ZAN: variants seen among roughly 807,000 people sequenced by gnomAD.
The protein encoded by ZAN is zonadhesin (gene/pseudogene).
Under a neutral mutation model 286.2 loss-of-function variants are expected in ZAN, and 260 were observed. The observed-to-expected ratio is 0.91, with a 90% CI of 0.82 to 1.01. The LOEUF (loss-of-function observed/expected upper bound fraction) is 1.01. ZAN is among the 50% of genes least tolerant of loss of function. The pLI, the probability that ZAN is intolerant of heterozygous loss-of-function variation, is 0.00. For synonymous variants in ZAN, 1,368 were observed against 1,417.5 expected (o/e 0.97, Z 0.79); for missense variants, 3,410 against 3,639.2 (o/e 0.94, Z 1.62).
chr7:100,771,976 C>A lies in ZAN; in HGVS notation c.5381C>A (p.Ala1794Asp). ...CTGCAGGCCTACGCGTCCCTGTGTG[C>A]CCAGGCTGGCCAGGCCCCTGCCTGG... ...RSLQAYASLC[A>D]QAGQAPAWRN... The change falls in exon 29 of 48, where the codon GCC (alanine) becomes GAC (aspartate). Residue 1794 changes from alanine to aspartate, a missense_variant. Physicochemically the swap from Ala to Asp is moderately radical, Grantham distance 126. Around this residue, in one of 7 missense-constraint regions of ZAN, gnomAD observed 1,289 missense variants for 1,314.3 expected, o/e 0.98. Transcript: ENST00000613979. 6.2e-7 allele frequency: 1 copy of A among 1,608,548 alleles called. No homozygotes were observed. Among genetic ancestry groups the A allele is most frequent in the Non-Finnish European group, 8.5e-7 (1 of 1,179,082 alleles).
intron 11 of ZAN, 112 bp downstream of exon 11, chr7:100,748,582 T>C: frequency 7.1e-7 from 1 of 1,402,882 alleles, no homozygotes; most frequent in Non-Finnish European, 9.5e-7. Context: ...GGAAGATCAG[T>C]CCACAGGTGT....
intron 34 of ZAN, among the ~76,000 whole-genome samples, chr7:100,777,237 G>C (rs920825932): frequency 1.3e-5 from 2 of 152,018 alleles, no homozygotes; most frequent in Non-Finnish European, 2.9e-5. Flanking sequence ...CAGAGACGGG[G>C]TTTCACCATA....
chr7:100,787,027 A>T (rs1811604216), intron 37 of ZAN, among the ~76,000 whole-genome samples: 1 of 149,800 alleles, frequency 6.7e-6, no homozygotes, highest in Non-Finnish European at 1.5e-5. Flanking sequence ...GTACCACTGC[A>T]CTCCAGCCTG....
chr7:100,749,673 T>TACAC (rs1562921399), intron 11 of ZAN, among the ~76,000 whole-genome samples: 6 of 137,842 alleles, frequency 4.4e-5, no homozygotes, highest in African/African-American at 8.1e-5. Context: ...TATATATATA[T>TACAC]ATACACACAC....
chr7:100,746,269 T>C (rs1808210735), intron 7 of ZAN, among the ~76,000 whole-genome samples: 1 of 152,004 alleles, frequency 6.6e-6, no homozygotes, highest in Non-Finnish European at 1.5e-5. Flanking sequence ...AACAAAGAGT[T>C]AGCACCCAAA....
At chr7:100,745,619 C>G (rs962142041) in intron 7 of ZAN, among the ~76,000 whole-genome samples, 5 of 152,080 alleles carry the variant, frequency 3.3e-5, no homozygotes, top group Non-Finnish European at 5.9e-5. Flanking sequence ...GGTGTAGTGG[C>G]TCAAGCCTGT....
intron 46 of ZAN, 48 bp downstream of exon 46, chr7:100,797,513 G>A (rs375918539): frequency 4.2e-5 from 67 of 1,613,698 alleles, no homozygotes; most frequent in African/African-American, 3.2e-4. Context: ...TGTGCAAACC[G>A]GGAAGCGGCT....
chr7:100,772,609 C>T (rs1045086225), intron 29 of ZAN, among the ~76,000 whole-genome samples: 3 of 151,802 alleles, frequency 2.0e-5, no homozygotes, highest in Non-Finnish European at 4.4e-5. Flanking sequence ...ATCACGAGGT[C>T]AGGAGATCGA....
At chr7:100,750,923 CTG>C in intron 12 of ZAN, 27 bp downstream of exon 12, 1 of 1,524,062 alleles carries the variant, frequency 6.6e-7, no homozygotes, top group Non-Finnish European at 8.8e-7. Flanking sequence ...GGGGTCCTGT[CTG>C]TGTGAGGTGA....
chr7:100,736,448 C>G (rs751393631), intron 3 of ZAN, 35 bp from the exon 4 acceptor site: 1 of 1,520,768 alleles, frequency 6.6e-7, no homozygotes, highest in East Asian at 2.3e-5. Context: ...TGCCCCTGCC[C>G]TCTCTGAAAC....
chr7:100,750,689 G>A lies in ZAN; in HGVS notation c.1314G>A (p.Val438=), dbSNP rs1394565351. The change falls in exon 12 of 48, where the codon GTG becomes GTA. Residue 438 remains valine, a synonymous_variant. Coordinates refer to ENST00000613979, the MANE Select transcript of ZAN (RefSeq NM_003386.3). ...AGGCAGGCCAGTCAGTCAGACTGGT[G>A]AGCCGGCCCTTCTGCGCCCCAGGTG... ...FSQAGQSVRL[V]SRPFCAPGDI... The A allele has an allele frequency of 6.2e-7, 1 of 1,613,366 alleles. No homozygotes were observed. Among genetic ancestry groups the A allele is most frequent in the Non-Finnish European group, 8.5e-7 (1 of 1,179,686 alleles).
At chr7:100,768,573 G>T in intron 26 of ZAN, 37 bp from the exon 27 acceptor site, 2 of 1,540,754 alleles carry the variant, frequency 1.3e-6, no homozygotes, top group South Asian at 1.2e-5. Context: ...CTGCTGGGGG[G>T]CCCCTTCTTG....
At chr7:100,758,683 G>T in intron 17 of ZAN, 33 bp downstream of exon 17, 1 of 1,547,130 alleles carries the variant, frequency 6.5e-7, no homozygotes, top group Non-Finnish European at 8.7e-7. Context: ...CGGCCTGGGG[G>T]GAGGGTCTGT....
chr7:100,794,920 A>G (rs1812248339), intron 44 of ZAN, among the ~76,000 whole-genome samples: 1 of 148,788 alleles, frequency 6.7e-6, no homozygotes, highest in South Asian at 2.2e-4. Context: ...GAGGAGAGGA[A>G]GGGAGAGGAG....
In ZAN at chr7:100,789,355, A is replaced by C; in HGVS notation, c.7357+8A>C. 6.2e-7 allele frequency: 1 copy of C among 1,612,436 alleles called. No homozygotes were observed. The highest frequency in any genetic ancestry group is 8.5e-7 in the Non-Finnish European group (1 of 1,179,032). On this transcript the variant is annotated splice_region_variant and intron_variant, in intron 39 of 47. Coordinates refer to ENST00000613979, the MANE Select transcript of ZAN (RefSeq NM_003386.3). Reference sequence around the variant, plus strand: ...GTGGAAGGAAAAATGCAGGTAATGGAGAGAGGGGAAAGAAGAGCAAAAGGG... The same window carrying C: ...GTGGAAGGAAAAATGCAGGTAATGGCGAGAGGGGAAAGAAGAGCAAAAGGG...
At chr7:100,745,341 C>A (rs534759707) in intron 7 of ZAN, among the ~76,000 whole-genome samples, 1 of 151,698 alleles carries the variant, frequency 6.6e-6, no homozygotes, top group Non-Finnish European at 1.5e-5. Context: ...GGAGTGAGCG[C>A]GCGCCAGGCA....
intron 14 of ZAN, among the ~76,000 whole-genome samples, chr7:100,754,453 C>T (rs972237463): frequency 5.3e-5 from 8 of 151,494 alleles, no homozygotes; most frequent in African/African-American, 1.7e-4. Context: ...AGTGAGACTC[C>T]GTCTCAAAAA....
chr7:100,753,111 A>AC lies in ZAN; in HGVS notation c.3010dup (p.His1004ProfsTer62). 1 of 1,613,840 alleles carries AC rather than the reference A, an allele frequency of 6.2e-7. No homozygotes were observed. Among genetic ancestry groups the AC allele is most frequent in the Non-Finnish European group, 8.5e-7 (1 of 1,179,834 alleles). Reference sequence around the variant, plus strand: ...CAGAGAAGCTCACAGCCCTGAGGCCACCCCATCCCAGCCCCACAGCCACTG... The same window carrying AC: ...CAGAGAAGCTCACAGCCCTGAGGCCACCCCCATCCCAGCCCCACAGCCACTG... On this transcript the variant is annotated frameshift_variant, in exon 14 of 48. Transcript: ENST00000613979. LOFTEE classifies it high-confidence loss of function.
rs200760090 is a variant in ZAN at position 100,736,569 on chromosome 7, C to A, written c.193C>A (p.Arg65=). 1.3e-6 allele frequency: 2 copies of A among 1,522,556 alleles called. 1 individual carries two copies. Among genetic ancestry groups the A allele is most frequent in the Non-Finnish European group, 1.8e-6 (2 of 1,107,450 alleles). 94.3% of individuals were successfully genotyped at this position (1,522,556 alleles called of 1,614,324 possible). A position where few individuals can be genotyped will look rare whatever the true frequency, so the allele number is the denominator to read the frequency against. ...QVSADDEDWV[R]ASGPSPTGST... ...GTCCGCAGACGATGAAGACTGGGTT[C>A]GAGCCAGTGGGCCCTCTCCCACCGG... is the stretch of plus-strand genomic sequence containing the variant. Residue 65 remains arginine, a synonymous_variant, in exon 4 of 48, where the codon CGA becomes AGA. Transcript: ENST00000613979.
Sources: gnomAD v4.1 joint callset for allele counts (sites outside exome capture counted in the v4.1 genomes callset) on GRCh38, gnomAD v4.1.1 for gene constraint, gnomAD v4.1.1 regional missense constraint, MANE v1.5 for transcripts, NCBI Gene and HGNC (gene_info 2026-07-23, HGNC 2026-07-21) for gene names.